The following NUMB variants were observed in gnomAD, a reference collection of about 807,000 sequenced individuals.
NUMB encodes the protein protein numb homolog.
In NUMB, 29 loss-of-function variants were observed where a neutral mutation model predicts 59.7. That is an observed-to-expected ratio of 0.49 (90% CI 0.36 to 0.66). The LOEUF (loss-of-function observed/expected upper bound fraction) is 0.66, where lower values mean the gene tolerates loss of function less well. Ranked by LOEUF, NUMB falls within the 30% of genes least tolerant of loss-of-function variation. The pLI is 0.00. For synonymous variants in NUMB, 288 were observed against 288.2 expected (o/e 1.00, Z 0.01); for missense variants, 723 against 822.0 (o/e 0.88, Z 1.47).
chr14:73,367,348 T>TATAGAGAGAGAGAGAGAGAGAGAG (rs1555375287), intron 2 of NUMB, among the ~76,000 whole-genome samples: 6 of 105,328 alleles, frequency 5.7e-5, no homozygotes, highest in South Asian at 2.8e-4. Flanking sequence ...TATATATATA[T>TATAGAGAGAGAGAGAGAGAGAGAG]AGAGAGAGAG....
intron 2 of NUMB, among the ~76,000 whole-genome samples, chr14:73,400,554 T>G (rs1032211888): frequency 6.6e-6 from 1 of 152,160 alleles, no homozygotes; most frequent in Admixed American, 6.5e-5. Context: ...TGAGTATCTT[T>G]TACATGCTAA....
At chr14:73,292,572 A>G (rs1233577207) in intron 8 of NUMB, among the ~76,000 whole-genome samples, 162 bp downstream of exon 8, 3 of 152,204 alleles carry the variant, frequency 2.0e-5, no homozygotes, top group Non-Finnish European at 4.4e-5. Flanking sequence ...GGGTTACATC[A>G]AGAGTGTGAA....
At chr14:73,379,311 AATT>A (rs1179747240) in intron 2 of NUMB, among the ~76,000 whole-genome samples, 1 of 152,208 alleles carries the variant, frequency 6.6e-6, no homozygotes, top group Non-Finnish European at 1.5e-5. Context: ...TTGTAAAAAA[AATT>A]ATTACTTGAA....
intron 1 of NUMB, among the ~76,000 whole-genome samples, chr14:73,437,529 T>C (rs537817288): frequency 6.6e-6 from 1 of 152,298 alleles, no homozygotes; most frequent in African/African-American, 2.4e-5. Context: ...CAATTTTCTA[T>C]TGATTATGGT....
intron 1 of NUMB, among the ~76,000 whole-genome samples, chr14:73,439,468 TTTG>T (rs1392571912): frequency 6.6e-6 from 1 of 152,152 alleles, no homozygotes; most frequent in Non-Finnish European, 1.5e-5. Context: ...TAATTATATT[TTTG>T]TTATTTTGAA....
intron 10 of NUMB, 50 bp downstream of exon 10, chr14:73,284,031 G>A (rs1270974252): frequency 2.0e-6 from 3 of 1,527,874 alleles, no homozygotes; most frequent in Non-Finnish European, 2.7e-6. Context: ...GAAGTGATGA[G>A]AATGCTTCAG....
rs142336873 is a variant in NUMB, at chr14:73,364,130, T to C, written c.-16+2767A>G. ...AGAAAACATGTTTGATAAAATTCAATACTCGTTCTTCACACAAAAAATATC... is the reference window on the plus strand; with the variant it reads ...AGAAAACATGTTTGATAAAATTCAACACTCGTTCTTCACACAAAAAATATC... On this transcript the variant is annotated intron_variant, in intron 3 of 12. Coordinates refer to ENST00000555238, the MANE Select transcript of NUMB (RefSeq NM_001005743.2). Among the ~76,000 whole-genome samples the C allele has an allele frequency of 6.6e-5, 10 of 152,278 alleles. No individual in the cohort carries two copies. In the East Asian group the frequency reaches 1.7e-3, roughly 26 times the overall value.
intron 4 of NUMB, among the ~76,000 whole-genome samples, chr14:73,330,674 T>C (rs1891923980): frequency 6.6e-6 from 1 of 152,222 alleles, no homozygotes; most frequent in South Asian, 2.1e-4. Context: ...GCAAATACTA[T>C]ATATGTCTTC....
intron 2 of NUMB, among the ~76,000 whole-genome samples, chr14:73,372,139 AG>A (rs146067744): frequency 0.051 from 7,746 of 151,436 alleles, 645 homozygotes; most frequent in African/African-American, 0.18. Context: ...AAGCTGAGGC[AG>A]GAGAATCACT....
At chr14:73,378,060 C>G (rs1895056960) in intron 2 of NUMB, among the ~76,000 whole-genome samples, 1 of 150,734 alleles carries the variant, frequency 6.6e-6, no homozygotes, top group Admixed American at 6.6e-5. Context: ...TAAAACTTAA[C>G]AGTAAGAAAA....
chr14:73,399,896 A>T (rs896793169), intron 2 of NUMB, among the ~76,000 whole-genome samples: 7 of 151,912 alleles, frequency 4.6e-5, no homozygotes, highest in African/African-American at 1.7e-4. Flanking sequence ...TAAAAAAATT[A>T]GCTGGATGTC....
At chr14:73,346,442 T>TG (rs1892925195) in intron 4 of NUMB, among the ~76,000 whole-genome samples, 1 of 149,928 alleles carries the variant, frequency 6.7e-6, no homozygotes, top group African/African-American at 2.5e-5. Context: ...ACTGCACTAT[T>TG]GCACTCCAGC....
chr14:73,416,334 T>TTC (rs1023219395), intron 1 of NUMB, among the ~76,000 whole-genome samples: 1 of 146,204 alleles, frequency 6.8e-6, no homozygotes, highest in African/African-American at 2.5e-5. Flanking sequence ...TTTCTTTTCT[T>TTC]TTTTTTTTTT....
chr14:73,363,917 G>A lies in NUMB; in HGVS notation c.-16+2980C>T, dbSNP rs371096632. Among the ~76,000 whole-genome samples, 63 of 152,186 alleles carry A rather than the reference G, an allele frequency of 4.1e-4. 1 individual carries two copies. In the South Asian group the frequency reaches 9.1e-3, roughly 22 times the overall value. On this transcript the variant is annotated intron_variant, in intron 3 of 12. Coordinates refer to ENST00000555238, the MANE Select transcript of NUMB (RefSeq NM_001005743.2). Reference sequence around the variant, plus strand: ...TGAGCTAAGATCATACCATTGCACCGGACTGGGTGACAGAACAAGATCCCA... The same window carrying A: ...TGAGCTAAGATCATACCATTGCACCAGACTGGGTGACAGAACAAGATCCCA...
chr14:73,413,586 C>T lies in NUMB; in HGVS notation c.-232-3518G>A, dbSNP rs906678982. On this transcript the variant is annotated intron_variant, in intron 1 of 12. Transcript: ENST00000555238. ...CAGCCTGGCCAACATGGTAAGACCT[C>T]GTCTCTACCAAAAATACAAAAATTA... Among the ~76,000 whole-genome samples the T allele has an allele frequency of 5.3e-5, 8 of 151,654 alleles. No individual in the cohort carries two copies. In the East Asian group the frequency reaches 1.2e-3, roughly 23 times the overall value.
At chr14:73,420,711 T>C (rs377068981) in intron 1 of NUMB, among the ~76,000 whole-genome samples, 6 of 152,030 alleles carry the variant, frequency 3.9e-5, no homozygotes, top group African/African-American at 1.5e-4. Context: ...TCCTGGCTAC[T>C]TGGGAGGCTG....
chr14:73,277,652 C>T (rs866374461), intron 12 of NUMB, among the ~76,000 whole-genome samples: 1 of 151,872 alleles, frequency 6.6e-6, no homozygotes, highest in Admixed American at 6.6e-5. Flanking sequence ...ATCCCAGCTA[C>T]TTGTGAGGCT....
intron 2 of NUMB, among the ~76,000 whole-genome samples, chr14:73,393,007 A>G (rs952618965): frequency 6.6e-6 from 1 of 152,170 alleles, no homozygotes; most frequent in Non-Finnish European, 1.5e-5. Flanking sequence ...ATTCTGCAAG[A>G]AGGATAAGAA....
At chr14:73,373,639 G>GAA (rs773450957) in intron 2 of NUMB, among the ~76,000 whole-genome samples, 56 of 151,344 alleles carry the variant, frequency 3.7e-4, no homozygotes, top group Non-Finnish European at 7.4e-4. Flanking sequence ...ATAGGGTCAG[G>GAA]AAGAAGAAAC....
Sources: allele counts gnomAD v4.1 joint callset (sites outside exome capture counted in the v4.1 genomes callset), GRCh38; gene constraint gnomAD v4.1.1; transcripts MANE v1.5; gene names NCBI Gene and HGNC (gene_info 2026-07-23, HGNC 2026-07-21).